The following SNTG1 variants were observed in gnomAD, a reference collection of about 807,000 sequenced individuals.
SNTG1 encodes gamma-1-syntrophin.
Under a neutral mutation model 74.7 loss-of-function variants are expected in SNTG1, and 39 were observed. The ratio of observed to expected loss-of-function variants is 0.52; its 90% CI spans 0.40 to 0.68. The LOEUF (loss-of-function observed/expected upper bound fraction) is 0.68. Ranked by LOEUF, SNTG1 falls within the 30% of genes least tolerant of loss-of-function variation. SNTG1 has a pLI of 0.00. For synonymous variants in SNTG1, 254 were observed against 217.1 expected (o/e 1.17, Z -1.49); for missense variants, 685 against 609.5 (o/e 1.12, Z -1.30).
intron 8 of SNTG1, among the ~76,000 whole-genome samples, chr8:50,497,751 C>T (rs1468643393): frequency 6.6e-6 from 1 of 152,004 alleles, no homozygotes; most frequent in Non-Finnish European, 1.5e-5. Context: ...ACTGTATAAT[C>T]TGTCCTTCTG....
chr8:50,588,681 CAT>C (rs946342970), intron 12 of SNTG1, among the ~76,000 whole-genome samples: 5 of 152,030 alleles, frequency 3.3e-5, no homozygotes, highest in Non-Finnish European at 5.9e-5. Context: ...CCTGGGATAA[CAT>C]AAATTGTTCA....
chr8:50,696,948 C>T (rs564119101), intron 15 of SNTG1, among the ~76,000 whole-genome samples: 3 of 151,930 alleles, frequency 2.0e-5, no homozygotes, highest in South Asian at 4.2e-4. Flanking sequence ...GGTTCCATAT[C>T]AATTTTAGAA....
intron 15 of SNTG1, among the ~76,000 whole-genome samples, chr8:50,701,953 T>G (rs67434971): frequency 0.21 from 31,064 of 151,468 alleles, 3,252 homozygotes; most frequent in South Asian, 0.31. Flanking sequence ...TAGGTTCAAG[T>G]GATTCTCCTG....
At chr8:50,340,937 C>A (rs959853328) in intron 2 of SNTG1, among the ~76,000 whole-genome samples, 6 of 151,910 alleles carry the variant, frequency 3.9e-5, no homozygotes, top group Non-Finnish European at 8.8e-5. Flanking sequence ...AATTGCTTCA[C>A]TTGTTCACAC....
chr8:50,422,529 G>T (rs2093105069), intron 4 of SNTG1, among the ~76,000 whole-genome samples: 1 of 152,036 alleles, frequency 6.6e-6, no homozygotes, highest in Non-Finnish European at 1.5e-5. Context: ...ATTGACATGA[G>T]TCCAGCCACT....
chr8:49,982,759 C>T (rs540141870), intron 1 of SNTG1, among the ~76,000 whole-genome samples: 47 of 151,878 alleles, frequency 3.1e-4, no homozygotes, highest in Middle Eastern at 6.8e-3. Context: ...TAGATCATTC[C>T]TAGTTTTATT....
chr8:50,037,006 A>G (rs1818224376), intron 1 of SNTG1, among the ~76,000 whole-genome samples: 1 of 152,222 alleles, frequency 6.6e-6, no homozygotes. Context: ...AGTTCATCAT[A>G]TTTAATGCTT....
At chr8:50,686,718 A>G (rs1045728554) in intron 15 of SNTG1, among the ~76,000 whole-genome samples, 1 of 152,214 alleles carries the variant, frequency 6.6e-6, no homozygotes, top group Non-Finnish European at 1.5e-5. Context: ...GGTATAAAGT[A>G]GTTTTATGCA....
chr8:50,570,117 G>A (rs1019812290), intron 12 of SNTG1, among the ~76,000 whole-genome samples: 2 of 151,608 alleles, frequency 1.3e-5, no homozygotes, highest in African/African-American at 4.8e-5. Context: ...TTTAATATTG[G>A]AAATTATCAG....
intron 8 of SNTG1, among the ~76,000 whole-genome samples, chr8:50,462,328 T>G (rs1050682553): frequency 1.3e-5 from 2 of 150,322 alleles, no homozygotes; most frequent in African/African-American, 4.9e-5. Flanking sequence ...TTAAAAATAT[T>G]TAATTGCTAA....
At chr8:50,006,038 C>T (rs1163809872) in intron 1 of SNTG1, among the ~76,000 whole-genome samples, 1 of 138,198 alleles carries the variant, frequency 7.2e-6, no homozygotes, top group Admixed American at 7.6e-5. Flanking sequence ...TCTGGGCTCA[C>T]TGCAACCTCC....
intron 2 of SNTG1, among the ~76,000 whole-genome samples, chr8:50,237,505 C>T (rs945351973): frequency 6.6e-6 from 1 of 152,072 alleles, no homozygotes; most frequent in African/African-American, 2.4e-5. Context: ...TAATGGAAAA[C>T]ATCATCTTAT....
At chr8:50,603,239 C>A (rs2130941513) in intron 13 of SNTG1, among the ~76,000 whole-genome samples, 2 of 152,256 alleles carry the variant, frequency 1.3e-5, no homozygotes, top group East Asian at 1.9e-4. Flanking sequence ...TTTCAAATAA[C>A]CTGTCATCAA....
chr8:50,620,090 G>A (rs540973141), intron 13 of SNTG1, among the ~76,000 whole-genome samples: 6 of 152,116 alleles, frequency 3.9e-5, no homozygotes, highest in South Asian at 4.2e-4. Flanking sequence ...CCTTTCCAGG[G>A]GATCTAAGGG....
intron 1 of SNTG1, among the ~76,000 whole-genome samples, chr8:50,000,758 A>T (rs1363486084): frequency 1.3e-5 from 2 of 152,224 alleles, no homozygotes; most frequent in Non-Finnish European, 2.9e-5. Context: ...GCTCCCTGCT[A>T]GTTACTTAAT....
intron 2 of SNTG1, among the ~76,000 whole-genome samples, chr8:50,304,544 T>C (rs1202380484): frequency 1.3e-5 from 2 of 151,990 alleles, no homozygotes; most frequent in East Asian, 3.9e-4. Context: ...AAAACTAAAG[T>C]GGAGGCAAAG....
chr8:50,497,666 A>G (rs558465445), intron 8 of SNTG1, among the ~76,000 whole-genome samples: 23 of 152,092 alleles, frequency 1.5e-4, no homozygotes, highest in African/African-American at 3.6e-4. Flanking sequence ...GTGTCCAGCA[A>G]TCCATGACAT....
chr8:50,507,155 C>T (rs1011906287), intron 9 of SNTG1, among the ~76,000 whole-genome samples: 1 of 151,716 alleles, frequency 6.6e-6, no homozygotes, highest in Non-Finnish European at 1.5e-5. Flanking sequence ...CATGTTGAAC[C>T]ATCCTTGCAT....
intron 16 of SNTG1, among the ~76,000 whole-genome samples, chr8:50,705,572 T>A (rs2095440727): frequency 6.6e-6 from 1 of 152,202 alleles, no homozygotes; most frequent in Non-Finnish European, 1.5e-5. Flanking sequence ...TTGTCTTTTT[T>A]TTTTAAGGAT....
Sources: allele counts gnomAD v4.1 joint callset (sites outside exome capture counted in the v4.1 genomes callset), GRCh38; gene constraint gnomAD v4.1.1; transcripts MANE v1.5; gene names NCBI Gene and HGNC (gene_info 2026-07-23, HGNC 2026-07-21).